Variants in SEC14L1 observed in about 807,000 individuals in gnomAD.
SEC14L1 encodes SEC14-like protein 1.
Under a neutral mutation model 85.3 loss-of-function variants are expected in SEC14L1, and 48 were observed. The ratio of observed to expected loss-of-function variants is 0.56; its 90% CI spans 0.45 to 0.72. SEC14L1 has a LOEUF of 0.72. Ranked by LOEUF, SEC14L1 falls within the 30% of genes least tolerant of loss-of-function variation. SEC14L1 has a pLI of 0.00. For synonymous variants in SEC14L1, 391 were observed against 355.5 expected (o/e 1.10, Z -1.12); for missense variants, 682 against 921.4 (o/e 0.74, Z 3.36).
At chr17:77,191,411 G>A (rs1975529506) in intron 5 of SEC14L1, 99 bp downstream of exon 5, 1 of 1,346,420 alleles carries the variant, frequency 7.4e-7, no homozygotes, top group Non-Finnish European at 1.0e-6. Context: ...TTGTCTTAGA[G>A]GGCAGTTCTT....
At chr17:77,194,572 A>G in intron 6 of SEC14L1, 105 bp from the exon 7 acceptor site, 1 of 786,004 alleles carries the variant, frequency 1.3e-6, no homozygotes, top group Middle Eastern at 3.7e-4. Flanking sequence ...AAAGATTGTG[A>G]GGCTCACCAT....
chr17:77,203,623 G>C lies in SEC14L1; in HGVS notation c.1063G>C (p.Val355Leu), dbSNP rs1976296533. Residue 355 changes from valine to leucine, a missense_variant, in exon 10 of 17, where the codon GTG becomes CTG. Physicochemically the swap from Val to Leu is conservative, Grantham distance 32. This residue lies in a region of SEC14L1 where 420 missense variants were observed against 619.5 expected (regional missense o/e 0.68). Coordinates refer to ENST00000436233, the MANE Select transcript of SEC14L1 (RefSeq NM_001143998.2). ...GGGGCAGATGGACACCAAAGGCTTG[G>C]TGAGAGCGCTCGGGGAGGAAGCCCT... ...RLGQMDTKGLVRALGEEALLR... is the reference protein window; with the variant it reads ...RLGQMDTKGLLRALGEEALLR... 1.2e-6 allele frequency: 2 copies of C among 1,613,866 alleles called. No individual in the cohort carries two copies. Among genetic ancestry groups the C allele is most frequent in the Non-Finnish European group, 1.7e-6 (2 of 1,179,948 alleles).
intron 3 of SEC14L1, among the ~76,000 whole-genome samples, chr17:77,117,162 A>G (rs536356602): frequency 6.6e-6 from 1 of 152,280 alleles, no homozygotes; most frequent in African/African-American, 2.4e-5. Flanking sequence ...AGCCTGGCCA[A>G]CATGGTAAAA....
chr17:77,109,294 A>G (rs1409167213), intron 3 of SEC14L1, among the ~76,000 whole-genome samples: 1 of 150,380 alleles, frequency 6.6e-6, no homozygotes, highest in Non-Finnish European at 1.5e-5. Context: ...TATAGAGATG[A>G]TATCTTGCTA....
chr17:77,092,201 T>TTAGC (rs1179454750), intron 2 of SEC14L1, among the ~76,000 whole-genome samples: 2 of 152,204 alleles, frequency 1.3e-5, no homozygotes, highest in Admixed American at 6.5e-5. Context: ...CTGTTTTTTG[T>TTAGC]TAGCACACAG....
At chr17:77,126,795 C>T (rs1972459452) in intron 3 of SEC14L1, among the ~76,000 whole-genome samples, 1 of 152,110 alleles carries the variant, frequency 6.6e-6, no homozygotes, top group South Asian at 2.1e-4. Context: ...GCTTTGTGGG[C>T]AATGGTGATG....
chr17:77,190,511 C>G (rs1384696446), intron 3 of SEC14L1, among the ~76,000 whole-genome samples: 3 of 152,076 alleles, frequency 2.0e-5, no homozygotes, highest in African/African-American at 7.2e-5. Flanking sequence ...TTTGTCTTTC[C>G]ATATAAATTT....
At chr17:77,128,867 G>A (rs770250880) in intron 3 of SEC14L1, among the ~76,000 whole-genome samples, 5 of 152,108 alleles carry the variant, frequency 3.3e-5, no homozygotes, top group Non-Finnish European at 7.4e-5. Flanking sequence ...GCCCCTTGGA[G>A]TCCATTTAGC....
At chr17:77,175,505 A>T (rs898294139) in intron 3 of SEC14L1, among the ~76,000 whole-genome samples, 1 of 152,230 alleles carries the variant, frequency 6.6e-6, no homozygotes, top group Non-Finnish European at 1.5e-5. Context: ...GATGTCCGTT[A>T]TCTGTGTTTG....
chr17:77,189,417 A>G (rs543991302), intron 3 of SEC14L1, among the ~76,000 whole-genome samples: 1 of 152,258 alleles, frequency 6.6e-6, no homozygotes, highest in African/African-American at 2.4e-5. Context: ...GCTTGGTGGT[A>G]TGGAGGTTAC....
At chr17:77,169,335 G>C (rs1018175329) in intron 3 of SEC14L1, among the ~76,000 whole-genome samples, 1 of 152,140 alleles carries the variant, frequency 6.6e-6, no homozygotes. Context: ...GGGCTGACCT[G>C]CGGGGTCTTT....
intron 3 of SEC14L1, among the ~76,000 whole-genome samples, chr17:77,148,295 C>A (rs1010616176): frequency 6.6e-6 from 1 of 151,984 alleles, no homozygotes; most frequent in African/African-American, 2.4e-5. Flanking sequence ...CTTCTGAACC[C>A]GATTTTTGTG....
At chr17:77,196,398 A>T (rs1975808541) in intron 8 of SEC14L1, 87 bp downstream of exon 8, 1 of 759,858 alleles carries the variant, frequency 1.3e-6, no homozygotes, top group East Asian at 2.7e-5. Flanking sequence ...CAAGAGTGAT[A>T]TTCCCAACTT....
chr17:77,150,308 T>C lies in SEC14L1; in HGVS notation c.63+6649T>C, dbSNP rs750655656. ...GCCAGTGACTAGTGTAAGACTGCTG[T>C]GAGGAGGTGCTGGAGTGAAACAGAC... On this transcript the variant is annotated intron_variant, in intron 3 of 16. Transcript: ENST00000436233. Among the ~76,000 whole-genome samples the C allele has an allele frequency of 3.9e-5, 6 of 152,142 alleles. 1 individual carries two copies. The highest frequency in any genetic ancestry group is 8.8e-5 in the Non-Finnish European group (6 of 68,016).
At chr17:77,203,714 G>GC (rs1300092096) in intron 10 of SEC14L1, 56 bp downstream of exon 10, 1 of 1,399,340 alleles carries the variant, frequency 7.1e-7, no homozygotes, top group Non-Finnish European at 9.9e-7. Context: ...TTTTTTCTCT[G>GC]CCAGTAGGAT....
At chr17:77,132,935 T>C (rs2143453891) in intron 3 of SEC14L1, among the ~76,000 whole-genome samples, 1 of 151,728 alleles carries the variant, frequency 6.6e-6, no homozygotes, top group Admixed American at 6.6e-5. Context: ...CAATCATGAC[T>C]CACTGCAGCC....
chr17:77,145,211 C>G (rs1019095947), intron 3 of SEC14L1, among the ~76,000 whole-genome samples: 1 of 151,604 alleles, frequency 6.6e-6, no homozygotes, highest in African/African-American at 2.4e-5. Context: ...CCAGGCTGGT[C>G]TTGAACTTCT....
At chr17:77,198,021 C>T (rs1975904415) in intron 8 of SEC14L1, among the ~76,000 whole-genome samples, 1 of 152,230 alleles carries the variant, frequency 6.6e-6, no homozygotes, top group East Asian at 1.9e-4. Flanking sequence ...CTTTTAAAAG[C>T]ATCTGACCTT....
chr17:77,206,745 T>C lies in SEC14L1; in HGVS notation c.1359T>C (p.Asp453=), dbSNP rs1598400517. The change falls in exon 13 of 17, where the codon GAT becomes GAC. Residue 453 remains aspartate (D), a synonymous_variant. Transcript: ENST00000436233. The surrounding 1 kb of genome is among the most constrained non-coding windows in gnomAD (Gnocchi z 4.3). The stretch of plus-strand genomic sequence containing the variant: ...CCTCACAGGTTAGTCCGTTCATTGA[T>C]GACAACACCAGAAGGAAGTTCCTCA... The part of the protein sequence containing the change: ...VLWTLVSPFI[D]DNTRRKFLIY... The C allele has an allele frequency of 6.2e-7, 1 of 1,610,760 alleles. No homozygotes were observed. The highest frequency in any genetic ancestry group is 8.5e-7 in the Non-Finnish European group (1 of 1,178,942).
Sources: allele counts gnomAD v4.1 joint callset (sites outside exome capture counted in the v4.1 genomes callset), GRCh38; gene constraint gnomAD v4.1.1; regional missense constraint gnomAD v4.1.1; non-coding constraint Gnocchi (gnomAD v3.1); transcripts MANE v1.5; gene names NCBI Gene and HGNC (gene_info 2026-07-23, HGNC 2026-07-21).